The following DUSP13A variants were observed in gnomAD, a reference collection of about 807,000 sequenced individuals.
The protein encoded by DUSP13A is dual specificity phosphatase 13A.
the DUSP13A span, chr10:75,107,861 G>A: frequency 8.8e-7 from 1 of 1,134,812 alleles, no homozygotes; most frequent in South Asian, 1.6e-5. Context: ...ACAAGCATGA[G>A]CCACCACACA....
At chr10:75,108,215 G>A in the DUSP13A span, 2 of 1,593,266 alleles carry the variant, frequency 1.3e-6, no homozygotes, top group Non-Finnish European at 1.7e-6. Flanking sequence ...TGGCCCTGGG[G>A]AGGGCAGGAA....
the DUSP13A span, among the ~76,000 whole-genome samples, chr10:75,106,336 G>A: frequency 1.3e-5 from 2 of 151,756 alleles, no homozygotes; most frequent in African/African-American, 2.4e-5. Flanking sequence ...GGAGGAACTT[G>A]CAGTTCCTTG....
the DUSP13A span, chr10:75,108,048 C>A: frequency 6.2e-7 from 1 of 1,613,890 alleles, no homozygotes; most frequent in Non-Finnish European, 8.5e-7. Flanking sequence ...GAAGTAGGCA[C>A]TGATGTCAAA....
At chr10:75,107,548 C>T in the DUSP13A span, among the ~76,000 whole-genome samples, 2 of 152,046 alleles carry the variant, frequency 1.3e-5, no homozygotes, top group South Asian at 2.1e-4. Context: ...GAATCGGGTT[C>T]GACAAAATGC....
the DUSP13A span, chr10:75,107,995 C>A: frequency 2.5e-6 from 4 of 1,611,300 alleles, no homozygotes; most frequent in Admixed American, 5.0e-5. Context: ...GTCCTACCCC[C>A]AGGCGTGTTG....
At chr10:75,106,101 C>CT in the DUSP13A span, among the ~76,000 whole-genome samples, 2,196 of 122,974 alleles carry the variant, frequency 0.018, 14 homozygotes, top group Non-Finnish European at 0.023. Context: ...TCTTTCTTTT[C>CT]TTTTTTTTTT....
chr10:75,107,482 C>T, the DUSP13A span, among the ~76,000 whole-genome samples: 2 of 152,184 alleles, frequency 1.3e-5, no homozygotes, highest in Non-Finnish European at 2.9e-5. Flanking sequence ...CTCAGGGTTG[C>T]TCCTAACTCA....
the DUSP13A span, among the ~76,000 whole-genome samples, chr10:75,108,599 G>A: frequency 2.8e-4 from 42 of 152,180 alleles, no homozygotes; most frequent in African/African-American, 8.9e-4. Flanking sequence ...CAAATGTTTA[G>A]AGGCAACACC....
At chr10:75,107,122 G>A in the DUSP13A span, among the ~76,000 whole-genome samples, 7 of 152,196 alleles carry the variant, frequency 4.6e-5, no homozygotes, top group African/African-American at 7.2e-5. Context: ...GATCACTTGA[G>A]GTTAGGAGTT....
the DUSP13A span, chr10:75,109,054 CAAG>C: frequency 6.2e-7 from 1 of 1,612,172 alleles, no homozygotes; most frequent in Non-Finnish European, 8.5e-7. Context: ...CACACGGCTG[CAAG>C]AAGACTTCCC....
At chr10:75,108,065 G>A in the DUSP13A span, 5 of 1,613,806 alleles carry the variant, frequency 3.1e-6, no homozygotes, top group African/African-American at 6.7e-5. Context: ...CAAAATCAGG[G>A]AGGTCGTGGG....
the DUSP13A span, chr10:75,105,725 A>C: frequency 6.4e-7 from 1 of 1,554,388 alleles, no homozygotes; most frequent in South Asian, 1.2e-5. Context: ...TGGTGCAGGA[A>C]GCCTCGGTTG....
At chr10:75,107,218 C>T in the DUSP13A span, among the ~76,000 whole-genome samples, 1 of 151,924 alleles carries the variant, frequency 6.6e-6, no homozygotes, top group African/African-American at 2.4e-5. Flanking sequence ...GCCTGTAGTC[C>T]CAGCTACTTG....
chr10:75,108,300 C>A, the DUSP13A span: 3 of 1,498,226 alleles, frequency 2.0e-6, no homozygotes, highest in Non-Finnish European at 8.8e-7. Context: ...AGGGACCGAG[C>A]CATTAGGGTC....
chr10:75,105,952 G>T, the DUSP13A span: 1 of 1,323,022 alleles, frequency 7.6e-7, no homozygotes, highest in South Asian at 1.4e-5. Context: ...TTCCTTTCCT[G>T]ACCCTGCCTT....
chr10:75,106,442 C>T, the DUSP13A span, among the ~76,000 whole-genome samples: 37 of 152,186 alleles, frequency 2.4e-4, no homozygotes, highest in Non-Finnish European at 4.4e-5. Context: ...ACTTCCACTA[C>T]TCATCCACCA....
the DUSP13A span, among the ~76,000 whole-genome samples, chr10:75,107,544 GGTTC>G: frequency 3.3e-5 from 5 of 152,094 alleles, no homozygotes; most frequent in African/African-American, 1.2e-4. Flanking sequence ...GAAGGAATCG[GGTTC>G]GACAAAATGC....
At chr10:75,108,381 C>A in the DUSP13A span, 4 of 1,269,388 alleles carry the variant, frequency 3.2e-6, no homozygotes, top group East Asian at 5.3e-5. Flanking sequence ...GAGCCCCGCA[C>A]TTTCTGGTGG....
the DUSP13A span, chr10:75,105,793 T>TGGTGCAGCATGAGGTAGGCCA: frequency 5.2e-6 from 8 of 1,551,010 alleles, no homozygotes. Flanking sequence ...GGACAGCCGC[T>TGGTGCAGCATGAGGTAGGCCA]GGTGCAGCAT....
Sources: gnomAD v4.1 joint callset for allele counts (sites outside exome capture counted in the v4.1 genomes callset) on GRCh38, gnomAD v4.1.1 for gene constraint, MANE v1.5 for transcripts, NCBI Gene and HGNC (gene_info 2026-07-23, HGNC 2026-07-21) for gene names.